The following MAP4K3 variants were observed in gnomAD, a reference collection of about 807,000 sequenced individuals.
MAP4K3 encodes MAPK/ERK kinase kinase kinase 3.
A neutral mutation model predicts 143.5 loss-of-function variants in MAP4K3; 94 were observed. The ratio of observed to expected loss-of-function variants is 0.65; its 90% CI spans 0.55 to 0.78. The LOEUF is 0.78. MAP4K3 is among the 30% of genes least tolerant of loss of function. The probability of loss-of-function intolerance (pLI) is 0.00; values close to 1 mark genes in which losing one functional copy is unlikely to be tolerated. For synonymous variants in MAP4K3, 416 were observed against 347.2 expected (o/e 1.20, Z -2.20); for missense variants, 1,077 against 1,068.1 (o/e 1.01, Z -0.12).
intron 2 of MAP4K3, among the ~76,000 whole-genome samples, chr2:39,361,339 CAT>C (rs1273734787): frequency 6.6e-6 from 1 of 152,104 alleles, no homozygotes; most frequent in East Asian, 1.9e-4. Flanking sequence ...CCACACTTAA[CAT>C]ATTATATGTT....
intron 1 of MAP4K3, chr2:39,436,517 C>T (rs1158801388): frequency 1.5e-5 from 3 of 202,484 alleles, no homozygotes; most frequent in South Asian, 7.3e-5. Context: ...GCAGGTTTGA[C>T]AACACCAGAC....
chr2:39,281,344 A>G (rs1432092186), intron 22 of MAP4K3, among the ~76,000 whole-genome samples: 1 of 152,218 alleles, frequency 6.6e-6, no homozygotes, highest in African/African-American at 2.4e-5. Context: ...CCTTTTAATG[A>G]CAGAAATCTA....
intron 31 of MAP4K3, among the ~76,000 whole-genome samples, chr2:39,257,483 T>C (rs1262024698): frequency 1.3e-5 from 2 of 152,122 alleles, no homozygotes; most frequent in Non-Finnish European, 2.9e-5. Flanking sequence ...GAAATGGGAA[T>C]TCAAAACTAT....
At chr2:39,324,063 G>A (rs1472265230) in intron 12 of MAP4K3, among the ~76,000 whole-genome samples, 1 of 152,132 alleles carries the variant, frequency 6.6e-6, no homozygotes, top group African/African-American at 2.4e-5. Flanking sequence ...AAGACTAGAA[G>A]AGTTTGTAAA....
intron 1 of MAP4K3, among the ~76,000 whole-genome samples, chr2:39,409,559 C>T (rs1055490543): frequency 5.9e-5 from 9 of 152,122 alleles, no homozygotes; most frequent in African/African-American, 9.7e-5. Context: ...AAAAACAAAA[C>T]GACAACAACA....
intron 29 of MAP4K3, among the ~76,000 whole-genome samples, chr2:39,259,192 T>A (rs1680463284): frequency 6.6e-6 from 1 of 152,104 alleles, no homozygotes; most frequent in African/African-American, 2.4e-5. Flanking sequence ...GGGGTCCTGC[T>A]ATATCGCCTA....
intron 15 of MAP4K3, among the ~76,000 whole-genome samples, chr2:39,302,170 T>C (rs1271767789): frequency 6.6e-6 from 1 of 152,054 alleles, no homozygotes; most frequent in East Asian, 1.9e-4. Context: ...AGAATAACAT[T>C]CAGGCCAGGA....
At chr2:39,264,915 A>T (rs548107562) in intron 28 of MAP4K3, among the ~76,000 whole-genome samples, 12 of 152,256 alleles carry the variant, frequency 7.9e-5, no homozygotes, top group African/African-American at 2.9e-4. Context: ...TATTCAAAAT[A>T]TTTCACTGAT....
intron 1 of MAP4K3, among the ~76,000 whole-genome samples, chr2:39,396,476 CA>C (rs1666808206): frequency 6.6e-6 from 1 of 150,952 alleles, no homozygotes; most frequent in Non-Finnish European, 1.5e-5. Context: ...TTCAAGCCCC[CA>C]ATTTTTTTTT....
Position 39,371,019 on chromosome 2 carries a change from A to AT in MAP4K3, c.154+7046dup, listed in dbSNP as rs1666066726. On this transcript the variant is annotated intron_variant, in intron 2 of 33. Transcript: ENST00000263881. ...TAGCTCTCATCTTGATCCATTTTTA[A>AT]TTTTTTTTTCCCAAATAAGTCTCAA... Among the ~76,000 whole-genome samples, 6 of 151,336 alleles carry AT rather than the reference A, an allele frequency of 4.0e-5. No homozygotes were observed. The South Asian group carries it at 1.0e-3, about 26-fold the overall frequency.
Position 39,325,910 on chromosome 2 carries a change from A to G in MAP4K3, c.714T>C (p.Asp238=), listed in dbSNP as rs56287463. Reference sequence around the variant, plus strand: ...ATAAAAATACTTACCATTTCATTTTATCCTTTAGTTTAGGAGGCTGAAAAT... The same window carrying G: ...ATAAAAATACTTACCATTTCATTTTGTCCTTTAGTTTAGGAGGCTGAAAAT... ...KSNFQPPKLK[D]KMKWSNSFHH... is the part of the protein sequence containing the mutation. Residue 238 remains aspartate, a synonymous_variant, in exon 10 of 34, where the codon GAT becomes GAC. Coordinates refer to ENST00000263881, the MANE Select transcript of MAP4K3 (RefSeq NM_003618.4). The G allele has an allele frequency of 1.2e-3, 1,901 of 1,588,784 alleles. 20 individuals carry two copies. In the African/African-American group the frequency reaches 0.023, roughly 19 times the overall value.
At chr2:39,428,336 C>T (rs1439648563) in intron 1 of MAP4K3, among the ~76,000 whole-genome samples, 2 of 152,174 alleles carry the variant, frequency 1.3e-5, no homozygotes, top group East Asian at 3.9e-4. Flanking sequence ...CAGAAACACA[C>T]ACATCTCATA....
rs776386208 is a variant in MAP4K3, at chr2:39,286,970, A to G, written c.1475-6T>C. ...GAAGGAGCTCATTCCATTTCCTTCAATAAGATATATTCATTGAAAATGATT... is the reference window on the plus strand; with the variant it reads ...GAAGGAGCTCATTCCATTTCCTTCAGTAAGATATATTCATTGAAAATGATT... On this transcript the variant is annotated splice_region_variant and splice_polypyrimidine_tract_variant and intron_variant, in intron 20 of 33. Transcript: ENST00000263881. 11 of 1,540,270 alleles carry G rather than the reference A, an allele frequency of 7.1e-6. No homozygotes were observed. The highest frequency in any genetic ancestry group is 4.6e-5 in the South Asian group (4 of 86,478).
chr2:39,413,991 T>C (rs1360361109), intron 1 of MAP4K3, among the ~76,000 whole-genome samples: 2 of 152,190 alleles, frequency 1.3e-5, no homozygotes, highest in African/African-American at 4.8e-5. Flanking sequence ...ATTACAATCT[T>C]TCAAGGTGAC....
chr2:39,375,557 G>A (rs1666195739), intron 2 of MAP4K3, among the ~76,000 whole-genome samples: 1 of 152,108 alleles, frequency 6.6e-6, no homozygotes, highest in South Asian at 2.1e-4. Flanking sequence ...GCTAAGCGTA[G>A]GTCTTATTAA....
At chr2:39,255,207 T>C (rs2148432584) in intron 31 of MAP4K3, among the ~76,000 whole-genome samples, 1 of 152,330 alleles carries the variant, frequency 6.6e-6, no homozygotes, top group Admixed American at 6.5e-5. Context: ...TTGAGGTTAT[T>C]TCTAGTTTTG....
intron 2 of MAP4K3, among the ~76,000 whole-genome samples, chr2:39,376,921 G>C (rs1343489289): frequency 1.3e-5 from 2 of 152,084 alleles, no homozygotes; most frequent in East Asian, 3.8e-4. Context: ...AAGAGTAGGA[G>C]ATTCAGAAAA....
chr2:39,414,780 G>A (rs1414696936), intron 1 of MAP4K3, among the ~76,000 whole-genome samples: 1 of 151,986 alleles, frequency 6.6e-6, no homozygotes, highest in Non-Finnish European at 1.5e-5. Context: ...GGGGTGCTGG[G>A]GCAGGAGAAT....
Position 39,344,048 on chromosome 2 carries a change from T to G in MAP4K3, c.246-596A>C, listed in dbSNP as rs555018068. Among the ~76,000 whole-genome samples, 5 of 152,328 alleles carry G rather than the reference T, an allele frequency of 3.3e-5. No individual in the cohort carries two copies. In the East Asian group the frequency reaches 5.8e-4, roughly 18 times the overall value. On this transcript the variant is annotated intron_variant, in intron 3 of 33. Transcript: ENST00000263881. ...CATTCATTATTTAATCTCTTAAAAATGTACCAGGAAATGTACCATTCATGG... is the reference window on the plus strand; with the variant it reads ...CATTCATTATTTAATCTCTTAAAAAGGTACCAGGAAATGTACCATTCATGG...
Sources: allele counts gnomAD v4.1 joint callset (sites outside exome capture counted in the v4.1 genomes callset), GRCh38; gene constraint gnomAD v4.1.1; transcripts MANE v1.5; gene names NCBI Gene and HGNC (gene_info 2026-07-23, HGNC 2026-07-21).